The following FHIT variants were observed in gnomAD, a reference collection of about 807,000 sequenced individuals.
FHIT encodes the protein bis(5'-adenosyl)-triphosphatase.
FHIT carries 19 observed loss-of-function variants against 17.9 expected under a neutral mutation model. That is an observed-to-expected ratio of 1.06 (90% confidence interval 0.74 to 1.56). The LOEUF (loss-of-function observed/expected upper bound fraction) is 1.56. FHIT is among the 40% of genes most tolerant of loss of function. FHIT has a pLI of 0.00. For synonymous variants in FHIT, 81 were observed against 69.7 expected (o/e 1.16, Z -0.81); for missense variants, 248 against 189.2 (o/e 1.31, Z -1.82).
intron 5 of FHIT, among the ~76,000 whole-genome samples, chr3:60,170,834 T>A (rs1372910381): frequency 6.6e-6 from 1 of 152,220 alleles, no homozygotes; most frequent in African/African-American, 2.4e-5. Context: ...TAGATAAACC[T>A]ATTTAATTAT....
At chr3:59,996,505 A>G (rs771345284) in intron 7 of FHIT, among the ~76,000 whole-genome samples, 4 of 152,062 alleles carry the variant, frequency 2.6e-5, no homozygotes, top group Non-Finnish European at 5.9e-5. Flanking sequence ...GAATTTTTCC[A>G]TGGAAAAAGT....
chr3:60,214,997 G>C (rs1703632573), intron 5 of FHIT, among the ~76,000 whole-genome samples: 2 of 152,070 alleles, frequency 1.3e-5, no homozygotes, highest in South Asian at 4.2e-4. Context: ...ATGGGAACAA[G>C]AGACACTGAG....
chr3:60,318,413 C>T (rs1037754878), intron 5 of FHIT, among the ~76,000 whole-genome samples: 1 of 152,088 alleles, frequency 6.6e-6, no homozygotes, highest in Admixed American at 6.6e-5. Flanking sequence ...CAAAGAAAGG[C>T]ATCTGGGGGG....
intron 2 of FHIT, among the ~76,000 whole-genome samples, chr3:61,126,096 C>T (rs1194120648): frequency 6.6e-6 from 1 of 152,076 alleles, no homozygotes; most frequent in African/African-American, 2.4e-5. Context: ...AGCCACTTGA[C>T]TTCATACTGC....
chr3:59,760,604 C>A (rs1472245469), intron 8 of FHIT, among the ~76,000 whole-genome samples: 1 of 151,512 alleles, frequency 6.6e-6, no homozygotes, highest in East Asian at 1.9e-4. Context: ...CATGAAAGTT[C>A]ACAGTTTTCC....
chr3:60,478,869 A>G (rs1421757491), intron 5 of FHIT, among the ~76,000 whole-genome samples: 1 of 152,248 alleles, frequency 6.6e-6, no homozygotes, highest in Non-Finnish European at 1.5e-5. Context: ...ATCACACCAC[A>G]TATCAAATCC....
intron 4 of FHIT, among the ~76,000 whole-genome samples, chr3:60,774,427 A>G (rs1005893988): frequency 2.0e-5 from 3 of 151,988 alleles, no homozygotes; most frequent in African/African-American, 4.8e-5. Flanking sequence ...CAGCCTCCCG[A>G]GTAGTTGGGA....
At chr3:59,890,885 T>TC (rs982574722) in intron 8 of FHIT, among the ~76,000 whole-genome samples, 7 of 151,860 alleles carry the variant, frequency 4.6e-5, no homozygotes, top group Non-Finnish European at 7.4e-5. Flanking sequence ...CCTTCATTTC[T>TC]CCCCCCCAAC....
intron 4 of FHIT, among the ~76,000 whole-genome samples, chr3:60,540,155 G>C (rs1028122804): frequency 3.9e-5 from 6 of 152,040 alleles, no homozygotes; most frequent in African/African-American, 1.4e-4. Context: ...AACAGGTTTA[G>C]GGAGCTTCTG....
At chr3:60,439,926 C>T (rs1381827097) in intron 5 of FHIT, among the ~76,000 whole-genome samples, 1 of 152,050 alleles carries the variant, frequency 6.6e-6, no homozygotes, top group East Asian at 1.9e-4. Flanking sequence ...TGTTTATGTT[C>T]ATGCTGCGTT....
chr3:60,976,106 T>TC (rs1559880902), intron 3 of FHIT, among the ~76,000 whole-genome samples: 2 of 123,220 alleles, frequency 1.6e-5, no homozygotes, highest in Non-Finnish European at 3.4e-5. Flanking sequence ...CTTTTTTTTT[T>TC]TTTTTTTTTT....
At chr3:60,165,472 G>C (rs1236415046) in intron 5 of FHIT, among the ~76,000 whole-genome samples, 1 of 152,128 alleles carries the variant, frequency 6.6e-6, no homozygotes, top group Middle Eastern at 3.2e-3. Flanking sequence ...TCCAAGAATG[G>C]GGAATCCGTA....
At chr3:60,114,320 G>C (rs1157017534) in intron 5 of FHIT, among the ~76,000 whole-genome samples, 1 of 150,432 alleles carries the variant, frequency 6.6e-6, no homozygotes, top group Non-Finnish European at 1.5e-5. Context: ...AAGATCATGA[G>C]CACACAGATA....
intron 7 of FHIT, among the ~76,000 whole-genome samples, chr3:59,974,593 C>G (rs1244174654): frequency 6.6e-6 from 1 of 152,110 alleles, no homozygotes; most frequent in African/African-American, 2.4e-5. Flanking sequence ...ACACAATCAG[C>G]AAACCTAGTG....
intron 3 of FHIT, among the ~76,000 whole-genome samples, chr3:60,870,774 G>A (rs1553754839): frequency 6.6e-6 from 1 of 152,080 alleles, no homozygotes; most frequent in Non-Finnish European, 1.5e-5. Flanking sequence ...AAATCACAAA[G>A]GGGCCTTCTA....
chr3:60,803,070 A>AC (rs1206347878), intron 4 of FHIT, among the ~76,000 whole-genome samples: 2 of 152,154 alleles, frequency 1.3e-5, no homozygotes, highest in Non-Finnish European at 2.9e-5. Flanking sequence ...TGATGGCATC[A>AC]CCCTTGCCAT....
chr3:59,972,277 T>C (rs942040858), intron 7 of FHIT, among the ~76,000 whole-genome samples: 1 of 152,066 alleles, frequency 6.6e-6, no homozygotes, highest in Non-Finnish European at 1.5e-5. Context: ...GAATGGGGCC[T>C]TGTGAGACAT....
chr3:61,014,807 A>ATATATATATATAT (rs1482200671), intron 3 of FHIT, among the ~76,000 whole-genome samples: 1 of 49,102 alleles, frequency 2.0e-5, no homozygotes, highest in African/African-American at 5.4e-5. Flanking sequence ...AAAAAAAAAA[A>ATATATATATATAT]ATATATATAT....
chr3:61,247,711 C>A (rs2040521251), intron 1 of FHIT, among the ~76,000 whole-genome samples: 1 of 152,114 alleles, frequency 6.6e-6, no homozygotes, highest in Non-Finnish European at 1.5e-5. Flanking sequence ...AATATAAATA[C>A]CTGCTTAAAG....
Sources: allele counts gnomAD v4.1 joint callset (sites outside exome capture counted in the v4.1 genomes callset), GRCh38; gene constraint gnomAD v4.1.1; transcripts MANE v1.5; gene names NCBI Gene and HGNC (gene_info 2026-07-23, HGNC 2026-07-21).